The following CELF2 variants were observed in gnomAD, a reference collection of about 807,000 sequenced individuals.
CELF2 encodes the protein CUG triplet repeat RNA-binding protein 2.
Under a neutral mutation model 62.6 loss-of-function variants are expected in CELF2, and 8 were observed. The ratio of observed to expected loss-of-function variants is 0.13; its 90% CI spans 0.07 to 0.23. The LOEUF is 0.23. CELF2 is among the 10% of genes least tolerant of loss of function. The pLI, the probability that CELF2 is intolerant of heterozygous loss-of-function variation, is 1.00. For synonymous variants in CELF2, 258 were observed against 250.0 expected (o/e 1.03, Z -0.30); for missense variants, 333 against 671.0 (o/e 0.50, Z 5.56).
At chr10:11,264,105 AT>A (rs1000433180) in intron 5 of CELF2, among the ~76,000 whole-genome samples, 1 of 152,158 alleles carries the variant, frequency 6.6e-6, no homozygotes, top group African/African-American at 2.4e-5. Context: ...GTGTCAGATC[AT>A]TTTTTTGGGT....
At position 11,336,280 on chromosome 10, in the gene CELF2, T is replaced by C. The variant is rs376791431; in HGVS notation, c.*7227T>C. ...AATCGACTGTTCTGCTAATTTGCTG[T>C]TGTTGTTTTTCATCTCTGTTGTAGT... On this transcript the variant is annotated 3_prime_UTR_variant, in exon 13 of 13. Coordinates refer to ENST00000633077, the MANE Select transcript of CELF2 (RefSeq NM_001326342.2). The surrounding 1 kb of genome is among the most constrained non-coding windows in gnomAD (Gnocchi z 5.4). The C allele has an allele frequency of 6.6e-4, 101 of 152,798 alleles. No individual in the cohort carries two copies. The Middle Eastern group carries it at 0.01, about 15-fold the overall frequency. 9.5% of individuals were successfully genotyped at this position (152,798 alleles called of 1,614,324 possible).
At chr10:11,274,061 T>G (rs2085023738) in intron 7 of CELF2, among the ~76,000 whole-genome samples, 1 of 148,030 alleles carries the variant, frequency 6.8e-6, no homozygotes, top group Admixed American at 7.0e-5. Context: ...AATAGTGAAT[T>G]AATCTTGTTC....
intron 1 of CELF2, among the ~76,000 whole-genome samples, chr10:10,855,583 C>A (rs569925203): frequency 2.3e-4 from 35 of 152,336 alleles, no homozygotes; most frequent in African/African-American, 8.2e-4. Flanking sequence ...ATTTTACAGC[C>A]TGTTTCTGAC....
the CELF2 span, among the ~76,000 whole-genome samples, chr10:10,783,351 G>A: frequency 3.3e-5 from 5 of 152,092 alleles, no homozygotes; most frequent in Admixed American, 6.5e-5. Context: ...AGATACAGAG[G>A]GAAAGTACAG....
the CELF2 span, among the ~76,000 whole-genome samples, chr10:10,559,815 A>C: frequency 3.3e-5 from 5 of 152,312 alleles, no homozygotes; most frequent in African/African-American, 4.8e-5. Context: ...CGCCTGCTGC[A>C]TTCTCCCCAT....
At chr10:10,586,259 T>G in the CELF2 span, among the ~76,000 whole-genome samples, 1 of 152,208 alleles carries the variant, frequency 6.6e-6, no homozygotes, top group Non-Finnish European at 1.5e-5. Flanking sequence ...AAAATCTGGT[T>G]ACCATCTATT....
chr10:11,232,061 A>G (rs149813908), intron 3 of CELF2, among the ~76,000 whole-genome samples: 10,671 of 152,122 alleles, frequency 0.07, 413 homozygotes, highest in Middle Eastern at 0.14. Flanking sequence ...TTACTTATGT[A>G]TACATGTGCC....
At chr10:11,133,135 A>G (rs769735515) in intron 1 of CELF2, among the ~76,000 whole-genome samples, 49 of 152,226 alleles carry the variant, frequency 3.2e-4, no homozygotes, top group Non-Finnish European at 5.9e-5. Context: ...GTAAAATGGG[A>G]AAGCAGGAAA....
rs202098599 is a variant in CELF2, at chr10:11,280,985, T to TGTGC, written c.841+5869_841+5872dup. ...ATGCTGGCGTGCGTGTGCATGCCTG[T>TGTGC]GTGCGTGTGTGTGTGTGTGTGTGTG... On this transcript the variant is annotated intron_variant, in intron 8 of 12. Coordinates refer to ENST00000633077, the MANE Select transcript of CELF2 (RefSeq NM_001326342.2). The surrounding 1 kb of genome is among the most constrained non-coding windows in gnomAD (Gnocchi z 7.6). Among the ~76,000 whole-genome samples the TGTGC allele has an allele frequency of 7.2e-6, 1 of 138,776 alleles. No homozygotes were observed. The highest frequency in any genetic ancestry group is 1.5e-5 in the Non-Finnish European group (1 of 65,500). 91.0% of individuals were successfully genotyped at this position (138,776 alleles called of 152,430 possible).
At chr10:10,728,327 C>T in the CELF2 span, among the ~76,000 whole-genome samples, 2 of 150,576 alleles carry the variant, frequency 1.3e-5, no homozygotes, top group Non-Finnish European at 3.0e-5. Context: ...GTGGTGTGCG[C>T]CTGTAATCCC....
chr10:10,814,907 G>C (rs796271587), intron 1 of CELF2, among the ~76,000 whole-genome samples: 53 of 152,292 alleles, frequency 3.5e-4, no homozygotes, highest in African/African-American at 1.2e-3. Flanking sequence ...AGCACCTAGG[G>C]CATGAAGACC....
At chr10:11,130,693 C>T (rs1019561068) in intron 1 of CELF2, among the ~76,000 whole-genome samples, 3 of 152,164 alleles carry the variant, frequency 2.0e-5, no homozygotes, top group African/African-American at 7.2e-5. Context: ...TAAAAATACA[C>T]TTAAAAATGT....
chr10:10,840,271 G>A (rs2058591400), intron 1 of CELF2, among the ~76,000 whole-genome samples: 1 of 152,182 alleles, frequency 6.6e-6, no homozygotes, highest in Non-Finnish European at 1.5e-5. Flanking sequence ...GTTTAGCTTT[G>A]TGAGAAACTG....
the CELF2 span, among the ~76,000 whole-genome samples, chr10:10,781,373 A>G: frequency 1.3e-5 from 2 of 152,350 alleles, no homozygotes; most frequent in Non-Finnish European, 2.9e-5. Context: ...AAAGACATAC[A>G]GAAGACTGGT....
At chr10:10,782,257 G>A in the CELF2 span, among the ~76,000 whole-genome samples, 1 of 152,184 alleles carries the variant, frequency 6.6e-6, no homozygotes, top group Non-Finnish European at 1.5e-5. Context: ...GGCAACCCAG[G>A]AAAGCTAGTG....
the CELF2 span, among the ~76,000 whole-genome samples, chr10:10,744,961 C>G: frequency 6.6e-6 from 1 of 152,074 alleles, no homozygotes; most frequent in South Asian, 2.1e-4. Flanking sequence ...AAACAGCACA[C>G]ATAGCCAGCC....
chr10:10,783,028 C>G, the CELF2 span, among the ~76,000 whole-genome samples: 3 of 152,046 alleles, frequency 2.0e-5, no homozygotes, highest in African/African-American at 4.8e-5. Context: ...TCTGTAAAAT[C>G]CTATATAGGT....
the CELF2 span, among the ~76,000 whole-genome samples, chr10:10,547,688 AGAGAGTGTGTGTGT>A: frequency 2.3e-4 from 31 of 134,906 alleles, no homozygotes; most frequent in African/African-American, 8.0e-4. Context: ...AGAGAGAGAG[AGAGAGTGTGTGTGT>A]GTGTGTGTGT....
At chr10:10,907,637 GTTTTA>G (rs146857310) in intron 1 of CELF2, among the ~76,000 whole-genome samples, 126,386 of 150,788 alleles carry the variant, frequency 0.84, 53,112 homozygotes, top group East Asian at 0.93. Flanking sequence ...ATTTCTGTTG[GTTTTA>G]TTTTATTTTA....
Sources: gnomAD v4.1 joint callset for allele counts (sites outside exome capture counted in the v4.1 genomes callset) on GRCh38, gnomAD v4.1.1 for gene constraint, Gnocchi (gnomAD v3.1) non-coding constraint, MANE v1.5 for transcripts, NCBI Gene and HGNC (gene_info 2026-07-23, HGNC 2026-07-21) for gene names.